The following NFU1 variants were observed in gnomAD, a reference collection of about 807,000 sequenced individuals.
NFU1 encodes NFU1 iron-sulfur cluster scaffold homolog, mitochondrial.
Under a neutral mutation model 32.2 loss-of-function variants are expected in NFU1, and 30 were observed. The observed-to-expected ratio is 0.93, with a 90% CI of 0.70 to 1.26. The LOEUF is 1.26. NFU1 is among the 50% of genes most tolerant of loss of function. The pLI, the probability that NFU1 is intolerant of heterozygous loss-of-function variation, is 0.00. For missense variants in NFU1, 306 were observed against 306.6 expected (o/e 1.00, Z 0.02); for synonymous variants, 112 against 104.6 (o/e 1.07, Z -0.43).
At chr2:69,418,966 A>G (rs1673148432) in intron 4 of NFU1, among the ~76,000 whole-genome samples, 1 of 152,200 alleles carries the variant, frequency 6.6e-6, no homozygotes, top group African/African-American at 2.4e-5. Context: ...AATCTAGTAG[A>G]CATCAAAAAT....
At chr2:69,405,915 A>T in intron 6 of NFU1, 107 bp downstream of exon 6, 1 of 761,262 alleles carries the variant, frequency 1.3e-6, no homozygotes, top group South Asian at 1.4e-5. Context: ...ATTAACTTGC[A>T]CTTATTTTGA....
At chr2:69,431,556 C>G (rs1673639243) in intron 2 of NFU1, among the ~76,000 whole-genome samples, 1 of 152,222 alleles carries the variant, frequency 6.6e-6, no homozygotes, top group East Asian at 1.9e-4. Context: ...ATCAACCTGC[C>G]TCAGCCTCTC....
intron 2 of NFU1, among the ~76,000 whole-genome samples, chr2:69,424,695 T>C (rs1673394839): frequency 1.3e-5 from 2 of 152,158 alleles, no homozygotes; most frequent in African/African-American, 4.8e-5. Flanking sequence ...ATAGTCTATT[T>C]GGTGACTTTG....
chr2:69,421,778 G>GAT (rs973952783), intron 3 of NFU1, among the ~76,000 whole-genome samples: 1 of 151,554 alleles, frequency 6.6e-6, no homozygotes, highest in Non-Finnish European at 1.5e-5. Context: ...TGTTAGCCAG[G>GAT]ATGCTCTCGA....
chr2:69,400,402 G>A lies in NFU1; in HGVS notation c.682C>T (p.Leu228=). 6.2e-7 allele frequency: 1 copy of A among 1,614,092 alleles called. No homozygotes were observed. The change falls in exon 7 of 8, where the codon CTG becomes TTG. Residue 228 remains leucine, a synonymous_variant. Transcript: ENST00000410022. ...ITLKNGIQNM[L]QFYIPEVEGV... is the part of the protein sequence containing the mutation. ...TCTACCTCCGGAATATAAAACTGCAGCATGTTCTGAATTCCATTTTTCAGA... is the reference window on the plus strand; with the variant it reads ...TCTACCTCCGGAATATAAAACTGCAACATGTTCTGAATTCCATTTTTCAGA...
intron 7 of NFU1, chr2:69,399,393 T>C (rs927798992): frequency 2.0e-5 from 9 of 454,762 alleles, no homozygotes; most frequent in South Asian, 3.1e-5. Context: ...CTTAGGTATG[T>C]TGGCAAAAAA....
At chr2:69,429,045 C>T (rs993898034) in intron 2 of NFU1, among the ~76,000 whole-genome samples, 1 of 152,134 alleles carries the variant, frequency 6.6e-6, no homozygotes, top group African/African-American at 2.4e-5. Flanking sequence ...CCGCAATGTC[C>T]AAGTACTTCA....
rs1673877832 is a variant in NFU1 at position 69,437,307 on chromosome 2, C to T, written c.62+54G>A. ...GAGGGTCTGCAAGGCGGCGACCGCT[C>T]CGCTGGCTAAGCCCAGCGGCACACC... On this transcript the variant is annotated intron_variant, in intron 1 of 7. Transcript: ENST00000410022. The T allele has an allele frequency of 2.5e-6, 4 of 1,571,518 alleles. No homozygotes were observed. In the South Asian group the frequency reaches 3.4e-5, roughly 14 times the overall value.
At chr2:69,435,909 C>A (rs532794497) in intron 1 of NFU1, among the ~76,000 whole-genome samples, 1 of 150,566 alleles carries the variant, frequency 6.6e-6, no homozygotes, top group Admixed American at 6.6e-5. Flanking sequence ...CACACCACCA[C>A]GCCCAGCTTT....
chr2:69,423,438 C>A, intron 3 of NFU1, 144 bp downstream of exon 3: 2 of 712,370 alleles, frequency 2.8e-6, no homozygotes, highest in African/African-American at 1.8e-5. Flanking sequence ...TTTTTAATCT[C>A]TCATCTGAAA....
chr2:69,417,735 T>C (rs1410946947), intron 4 of NFU1, among the ~76,000 whole-genome samples: 1 of 152,094 alleles, frequency 6.6e-6, no homozygotes, highest in Non-Finnish European at 1.5e-5. Flanking sequence ...ATATTATCTA[T>C]TGGTTATGTC....
chr2:69,408,014 A>G (rs1672756729), intron 5 of NFU1, among the ~76,000 whole-genome samples: 1 of 20,326 alleles, frequency 4.9e-5, no homozygotes, highest in Non-Finnish European at 8.4e-5. Flanking sequence ...CCCCACCTCA[A>G]AAAAAAAAAA....
At position 69,437,300 on chromosome 2, in the gene NFU1, G is replaced by A. The variant is rs562073981; in HGVS notation, c.62+61C>T. On this transcript the variant is annotated intron_variant, in intron 1 of 7. Coordinates refer to ENST00000410022, the MANE Select transcript of NFU1 (RefSeq NM_001002755.4). ...CTCGAGAGAGGGTCTGCAAGGCGGC[G>A]ACCGCTCCGCTGGCTAAGCCCAGCG... is the stretch of plus-strand genomic sequence containing the variant. The A allele has an allele frequency of 3.1e-5, 49 of 1,560,616 alleles. No individual in the cohort carries two copies. The Admixed American group carries it at 5.5e-4, about 18-fold the overall frequency.
At chr2:69,410,601 A>T (rs986979834) in intron 5 of NFU1, among the ~76,000 whole-genome samples, 1 of 152,224 alleles carries the variant, frequency 6.6e-6, no homozygotes, top group African/African-American at 2.4e-5. Flanking sequence ...GAATTAAGTG[A>T]GTTTATACTT....
chr2:69,437,531 T>C, upstream of NFU1: 1 of 1,383,644 alleles, frequency 7.2e-7, no homozygotes, highest in Non-Finnish European at 1.0e-6. Flanking sequence ...CCCTACCGGC[T>C]GCGGGCGGTC....
chr2:69,424,712 T>G (rs534795591), intron 2 of NFU1, among the ~76,000 whole-genome samples: 1 of 152,328 alleles, frequency 6.6e-6, no homozygotes, highest in East Asian at 1.9e-4. Context: ...TTTGTACCAA[T>G]GGCTATCATA....
chr2:69,418,764 C>T (rs1004185112), intron 4 of NFU1, among the ~76,000 whole-genome samples: 3 of 151,842 alleles, frequency 2.0e-5, no homozygotes, highest in African/African-American at 4.8e-5. Flanking sequence ...CCACCACACC[C>T]GGCCCCCAGT....
chr2:69,414,618 TAAAA>T (rs57180785), intron 5 of NFU1, among the ~76,000 whole-genome samples: 4 of 81,204 alleles, frequency 4.9e-5, no homozygotes, highest in African/African-American at 5.0e-5. Flanking sequence ...AGTCTGTCTC[TAAAA>T]AAAAAAAAAA....
intron 1 of NFU1, among the ~76,000 whole-genome samples, chr2:69,434,687 GAGTCATTTATAATTGCCA>G (rs1673769358): frequency 6.6e-6 from 1 of 152,130 alleles, no homozygotes; most frequent in African/African-American, 2.4e-5. Context: ...TTAAGTACAG[GAGTCATTTATAATTGCCA>G]ATGGGTTCAC....
Sources: allele counts gnomAD v4.1 joint callset (sites outside exome capture counted in the v4.1 genomes callset), GRCh38; gene constraint gnomAD v4.1.1; transcripts MANE v1.5; gene names NCBI Gene and HGNC (gene_info 2026-07-23, HGNC 2026-07-21).